The following HACD4 variants were observed in gnomAD, a reference collection of about 807,000 sequenced individuals.
HACD4 encodes 3-hydroxyacyl-CoA dehydratase 4, also known as very-long-chain (3R)-3-hydroxyacyl-CoA dehydratase 4.
A neutral mutation model predicts 33.3 loss-of-function variants in HACD4; 35 were observed. That is an observed-to-expected ratio of 1.05 (90% CI 0.80 to 1.39). The LOEUF (loss-of-function observed/expected upper bound fraction) is 1.39. Ranked by LOEUF, HACD4 falls within the 40% of genes most tolerant of loss-of-function variation. HACD4 has a pLI of 0.00. For missense variants in HACD4, 323 were observed against 276.5 expected (o/e 1.17, Z -1.19); for synonymous variants, 118 against 98.0 (o/e 1.20, Z -1.21).
chr9:21,031,427 C>A (rs1314408880), intron 1 of HACD4, 126 bp downstream of exon 1: 3 of 1,326,406 alleles, frequency 2.3e-6, no homozygotes, highest in Non-Finnish European at 2.9e-6. Flanking sequence ...GGTGCCTGGG[C>A]ACGGTAGCGC....
chr9:21,012,258 G>T (rs540841961), intron 4 of HACD4, among the ~76,000 whole-genome samples: 1 of 152,258 alleles, frequency 6.6e-6, no homozygotes, highest in South Asian at 2.1e-4. Context: ...ATAGGACACT[G>T]GTTTTTAGGC....
chr9:21,024,468 C>T (rs1293954139), intron 3 of HACD4, among the ~76,000 whole-genome samples: 1 of 152,132 alleles, frequency 6.6e-6, no homozygotes, highest in Non-Finnish European at 1.5e-5. Context: ...ATTGCCAAAC[C>T]AAGATTTGGT....
chr9:21,011,999 C>T (rs1443692658), intron 4 of HACD4, among the ~76,000 whole-genome samples: 1 of 152,086 alleles, frequency 6.6e-6, no homozygotes, highest in Admixed American at 6.5e-5. Context: ...ATTAAAAAGC[C>T]AAGCTCATTT....
At position 21,006,078 on chromosome 9, in the gene HACD4, G is replaced by A. The variant is rs1842261489; in HGVS notation, c.*959C>T. ...ATGAGTTAAGACTTTTGAGGCTGTC[G>A]AGATGGAATGTATGTATTTTGCATG... On this transcript the variant is annotated 3_prime_UTR_variant, in exon 7 of 7. Coordinates refer to ENST00000495827, the MANE Select transcript of HACD4 (RefSeq NM_001010915.5). The surrounding 1 kb of genome is among the most constrained non-coding windows in gnomAD (Gnocchi z 4.6). 1 of 152,132 alleles carries A rather than the reference G, an allele frequency of 6.6e-6. No homozygotes were observed. Among genetic ancestry groups the A allele is most frequent in the Admixed American group, 6.6e-5 (1 of 15,266 alleles). The allele number at this position is 152,132 out of a possible 1,614,324, so 9.4% of individuals were successfully genotyped here.
rs1842138533 is a variant in HACD4 at position 20,999,754 on chromosome 9, A to T, written c.*7283T>A. Reference sequence around the variant, plus strand: ...CTTTAAAGATAGAGTTGCACACACAATTATGGGTGTCTATTATGTGCCACT... The same window carrying T: ...CTTTAAAGATAGAGTTGCACACACATTTATGGGTGTCTATTATGTGCCACT... On this transcript the variant is annotated 3_prime_UTR_variant, in exon 7 of 7. Transcript: ENST00000495827. 6.6e-6 allele frequency: 1 copy of T among 152,192 alleles called. No individual in the cohort carries two copies. Among genetic ancestry groups the T allele is most frequent in the Non-Finnish European group, 1.5e-5 (1 of 68,026 alleles). 9.4% of individuals were successfully genotyped at this position (152,192 alleles called of 1,614,324 possible).
chr9:21,020,315 G>C (rs991768067), intron 3 of HACD4, among the ~76,000 whole-genome samples: 1 of 152,194 alleles, frequency 6.6e-6, no homozygotes, highest in South Asian at 2.1e-4. Flanking sequence ...TTCTCAAAAA[G>C]TGATGGAGTA....
At chr9:21,027,000 C>T (rs1009598975) in intron 2 of HACD4, among the ~76,000 whole-genome samples, 1 of 152,222 alleles carries the variant, frequency 6.6e-6, no homozygotes, top group African/African-American at 2.4e-5. Flanking sequence ...TTATTCCCCA[C>T]TTATAAGATT....
At chr9:21,028,292 C>G (rs1234552818) in intron 2 of HACD4, among the ~76,000 whole-genome samples, 1 of 152,120 alleles carries the variant, frequency 6.6e-6, no homozygotes, top group African/African-American at 2.4e-5. Flanking sequence ...CCTGCACTGC[C>G]TCAGCAAACC....
At chr9:21,026,040 G>T (rs1362351982) in intron 3 of HACD4, among the ~76,000 whole-genome samples, 2 of 152,168 alleles carry the variant, frequency 1.3e-5, no homozygotes, top group African/African-American at 4.8e-5. Flanking sequence ...AAACACAAAT[G>T]ATCTCCTCTT....
chr9:21,029,543 A>G lies in HACD4; in HGVS notation c.39-145T>C, dbSNP rs1388480924. The G allele has an allele frequency of 1.3e-5, 6 of 479,838 alleles. No homozygotes were observed. The East Asian group carries it at 1.4e-4, about 11-fold the overall frequency. 29.7% of individuals were successfully genotyped at this position (479,838 alleles called of 1,614,324 possible). ...GTCTTTTATCTGGTTACCCCCAAGT[A>G]CATATCAGATTTTGAAGGGAGCCAT... On this transcript the variant is annotated intron_variant, in intron 1 of 6. Coordinates refer to ENST00000495827, the MANE Select transcript of HACD4 (RefSeq NM_001010915.5).
rs62558319 is a variant in HACD4 at position 21,005,476 on chromosome 9, T to C, written c.*1561A>G. Reference sequence around the variant, plus strand: ...CCAGCAGGAACACTGCTAGTTTGTATTGAAAGGAATGGAGATGGGACAGAA... The same window carrying C: ...CCAGCAGGAACACTGCTAGTTTGTACTGAAAGGAATGGAGATGGGACAGAA... On this transcript the variant is annotated 3_prime_UTR_variant, in exon 7 of 7. Coordinates refer to ENST00000495827, the MANE Select transcript of HACD4 (RefSeq NM_001010915.5). This position sits in a 1 kb window ranked among gnomAD's most constrained non-coding sequence, Gnocchi z 4.0. 8,479 of 152,250 alleles carry C rather than the reference T, an allele frequency of 0.056. 328 individuals are homozygous for C. Among genetic ancestry groups the C allele is most frequent in the South Asian group, 0.12 (594 of 4,822 alleles). 9.4% of individuals were successfully genotyped at this position (152,250 alleles called of 1,614,324 possible).
intron 3 of HACD4, among the ~76,000 whole-genome samples, chr9:21,021,808 G>A (rs984376347): frequency 7.2e-4 from 110 of 152,074 alleles, no homozygotes; most frequent in Non-Finnish European, 4.4e-5. Context: ...TACTGCCCAA[G>A]GTAATTTATA....
At chr9:21,020,015 A>G (rs778551770) in intron 3 of HACD4, among the ~76,000 whole-genome samples, 5 of 152,024 alleles carry the variant, frequency 3.3e-5, no homozygotes, top group Non-Finnish European at 5.9e-5. Context: ...TGACTGTGAA[A>G]TCTTTAGAGG....
At chr9:21,026,011 C>T (rs1818051506) in intron 3 of HACD4, among the ~76,000 whole-genome samples, 1 of 152,144 alleles carries the variant, frequency 6.6e-6, no homozygotes, top group African/African-American at 2.4e-5. Context: ...CAAGTCTATC[C>T]TTAGATGCTG....
chr9:21,019,500 G>C (rs1817847593), intron 3 of HACD4, among the ~76,000 whole-genome samples: 1 of 152,054 alleles, frequency 6.6e-6, no homozygotes, highest in African/African-American at 2.4e-5. Context: ...CCAAATAAAT[G>C]TAAGCTATGA....
At chr9:21,025,078 T>C (rs558302369) in intron 3 of HACD4, among the ~76,000 whole-genome samples, 6 of 152,180 alleles carry the variant, frequency 3.9e-5, no homozygotes, top group Non-Finnish European at 8.8e-5. Flanking sequence ...CCCGTTTATT[T>C]TGTAAGGAAC....
chr9:21,031,052 G>A (rs1587844864), intron 1 of HACD4, among the ~76,000 whole-genome samples: 1 of 152,240 alleles, frequency 6.6e-6, no homozygotes, highest in East Asian at 1.9e-4. Flanking sequence ...AAAGGGTTTG[G>A]GAAGAGGAAA....
rs1842545305 is a variant in HACD4 at position 21,015,947 on chromosome 9, A to C, written c.334T>G (p.Tyr112Asp). The C allele has an allele frequency of 1.9e-6, 3 of 1,613,342 alleles. No individual in the cohort carries two copies. Among genetic ancestry groups the C allele is most frequent in the South Asian group, 2.2e-5 (2 of 91,054 alleles). Residue 112 changes from tyrosine to aspartate, a missense_variant, in exon 4 of 7, where the codon TAT becomes GAT. Tyr to Asp is a radical substitution (Grantham distance 160, BLOSUM62 -3). Coordinates refer to ENST00000495827, the MANE Select transcript of HACD4 (RefSeq NM_001010915.5). ...ITSQEEVQEK[Y>D]VVCVLFVFWN... is the part of the protein sequence containing the mutation. ...AAGACGAATAAAACACACACCACAT[A>C]TTTCTCTTGGACTTCCTCTTGACTG...
Position 21,000,463 on chromosome 9 carries a change from A to T in HACD4, c.*6574T>A, listed in dbSNP as rs1036374428. ...TGCATGAGGCTCATTTGAGGAGTCT[A>T]TCAAAAGGTAGGATCCTGAGCTTAT... On this transcript the variant is annotated 3_prime_UTR_variant, in exon 7 of 7. Transcript: ENST00000495827. 6.6e-6 allele frequency: 1 copy of T among 152,154 alleles called. No homozygotes were observed. Among genetic ancestry groups the T allele is most frequent in the South Asian group, 2.1e-4 (1 of 4,832 alleles). The allele number at this position is 152,154 out of a possible 1,614,324, so 9.4% of individuals were successfully genotyped here.
Sources: allele counts gnomAD v4.1 joint callset (sites outside exome capture counted in the v4.1 genomes callset), GRCh38; gene constraint gnomAD v4.1.1; non-coding constraint Gnocchi (gnomAD v3.1); transcripts MANE v1.5; gene names NCBI Gene and HGNC (gene_info 2026-07-23, HGNC 2026-07-21).